CDH18: variants seen among roughly 807,000 people sequenced by gnomAD.
CDH18 encodes the protein cadherin 18.
Under a neutral mutation model 67.9 loss-of-function variants are expected in CDH18, and 31 were observed. That is an observed-to-expected ratio of 0.46 (90% confidence interval 0.34 to 0.62). The LOEUF is 0.62. Ranked by LOEUF, CDH18 falls within the 20% of genes least tolerant of loss-of-function variation. The probability of loss-of-function intolerance (pLI) is 0.01; values close to 1 mark genes in which losing one functional copy is unlikely to be tolerated. For missense variants in CDH18, 890 were observed against 975.5 expected (o/e 0.91, Z 1.17); for synonymous variants, 362 against 347.2 (o/e 1.04, Z -0.48).
At chr5:19,690,629 A>C (rs2150420342) in intron 5 of CDH18, among the ~76,000 whole-genome samples, 1 of 151,910 alleles carries the variant, frequency 6.6e-6, no homozygotes, top group Non-Finnish European at 1.5e-5. Context: ...AAATACAAAA[A>C]AAATCAGAGA....
intron 10 of CDH18, among the ~76,000 whole-genome samples, chr5:19,516,323 G>C (rs1745992700): frequency 6.6e-6 from 1 of 152,108 alleles, no homozygotes; most frequent in South Asian, 2.1e-4. Context: ...TTTTTGTTGT[G>C]TCTCTGCCAG....
chr5:20,562,017 T>C (rs950684530), intron 1 of CDH18, among the ~76,000 whole-genome samples: 1 of 151,808 alleles, frequency 6.6e-6, no homozygotes, highest in Non-Finnish European at 1.5e-5. Flanking sequence ...AAAAAGTGTA[T>C]GCAATAAATT....
intron 2 of CDH18, among the ~76,000 whole-genome samples, chr5:20,140,987 A>G (rs1750198683): frequency 1.3e-5 from 2 of 152,092 alleles, no homozygotes; most frequent in South Asian, 4.1e-4. Flanking sequence ...GCCACAATGC[A>G]TTTGCACTTG....
chr5:20,055,005 T>C (rs564670551), intron 2 of CDH18, among the ~76,000 whole-genome samples: 1 of 152,318 alleles, frequency 6.6e-6, no homozygotes, highest in East Asian at 1.9e-4. Context: ...ACACCTCTGT[T>C]TGAAAACATC....
intron 2 of CDH18, among the ~76,000 whole-genome samples, chr5:19,851,751 A>ATGTGTG (rs140494247): frequency 6.7e-6 from 1 of 149,858 alleles, no homozygotes; most frequent in African/African-American, 2.4e-5. Context: ...GTGTGTGTGT[A>ATGTGTG]TGTGTGTGTG....
chr5:19,887,464 C>T (rs769434001), intron 2 of CDH18, among the ~76,000 whole-genome samples: 24 of 152,058 alleles, frequency 1.6e-4, no homozygotes, highest in African/African-American at 4.8e-4. Flanking sequence ...TAGTGATTTA[C>T]GTTCTATTTA....
At chr5:19,889,887 A>T (rs961855305) in intron 2 of CDH18, among the ~76,000 whole-genome samples, 1 of 152,198 alleles carries the variant, frequency 6.6e-6, no homozygotes, top group African/African-American at 2.4e-5. Context: ...ATTACATGCG[A>T]TATCATATAA....
At chr5:20,043,332 T>G (rs1393646719) in intron 2 of CDH18, among the ~76,000 whole-genome samples, 1 of 152,168 alleles carries the variant, frequency 6.6e-6, no homozygotes, top group African/African-American at 2.4e-5. Flanking sequence ...TGCCATTCCT[T>G]GTGCCACCAT....
chr5:20,499,825 C>G (rs1241969355), intron 1 of CDH18, among the ~76,000 whole-genome samples: 1 of 152,060 alleles, frequency 6.6e-6, no homozygotes, highest in African/African-American at 2.4e-5. Context: ...TCTGACAGGA[C>G]AAATAATTTA....
chr5:19,483,215 G>A (rs1412867293), intron 12 of CDH18, 86 bp downstream of exon 12: 2 of 1,333,872 alleles, frequency 1.5e-6, no homozygotes, highest in Non-Finnish European at 2.1e-6. Flanking sequence ...CCCACATTAT[G>A]GATGCCTAAT....
rs1209471019 is a variant in CDH18 at position 20,476,351 on chromosome 5, A to AG, written c.-580+99110_-580+99111insC. On this transcript the variant is annotated intron_variant, in intron 1 of 14. Transcript: ENST00000507958. The stretch of plus-strand genomic sequence containing the variant: ...GCCATCATGGTCATTACATTTGAAA[A>AG]AAAAAAAGCCTGAAAATAAAATACC... 2.0e-5 allele frequency among the ~76,000 whole-genome samples: 3 copies of AG among 151,920 alleles called. No homozygotes were observed. The East Asian group carries it at 5.8e-4, about 29-fold the overall frequency.
intron 2 of CDH18, among the ~76,000 whole-genome samples, chr5:20,096,922 T>C (rs1490366908): frequency 6.6e-6 from 1 of 152,166 alleles, no homozygotes; most frequent in East Asian, 1.9e-4. Flanking sequence ...ACTTTACATG[T>C]AGGAAGAAAA....
At chr5:20,544,813 T>G (rs931109824) in intron 1 of CDH18, among the ~76,000 whole-genome samples, 3 of 152,212 alleles carry the variant, frequency 2.0e-5, no homozygotes, top group Admixed American at 6.5e-5. Context: ...TTTCACATTT[T>G]GAAGCCAATC....
intron 5 of CDH18, among the ~76,000 whole-genome samples, chr5:19,647,332 C>A (rs1051354263): frequency 2.0e-5 from 3 of 150,098 alleles, no homozygotes; most frequent in Admixed American, 6.7e-5. Context: ...ACCATCCTGG[C>A]CAACATGATG....
chr5:20,400,246 G>A (rs1173364623), intron 1 of CDH18, among the ~76,000 whole-genome samples: 1 of 152,082 alleles, frequency 6.6e-6, no homozygotes, highest in Non-Finnish European at 1.5e-5. Flanking sequence ...TTTGGGAGCT[G>A]AGACGGGTGG....
At chr5:19,502,510 T>C (rs944369499) in intron 11 of CDH18, among the ~76,000 whole-genome samples, 12 of 152,126 alleles carry the variant, frequency 7.9e-5, no homozygotes, top group African/African-American at 2.9e-4. Context: ...CATACTTCTG[T>C]GTATCCTTCT....
intron 1 of CDH18, among the ~76,000 whole-genome samples, chr5:20,336,245 C>T (rs1739721570): frequency 6.6e-6 from 1 of 152,024 alleles, no homozygotes; most frequent in East Asian, 1.9e-4. Flanking sequence ...CCCCTTTTCC[C>T]CCAACAGCAG....
chr5:20,137,233 C>T lies in CDH18; in HGVS notation c.-518+118211G>A, dbSNP rs191664865. ...TTCAGGTACACCAGTCCGATGTAGA[C>T]TTGCTCTTTTCACATAGTCCTATAT... is the stretch of plus-strand genomic sequence containing the variant. On this transcript the variant is annotated intron_variant, in intron 2 of 14. Transcript: ENST00000507958. Among the ~76,000 whole-genome samples, 38 of 152,190 alleles carry T rather than the reference C, an allele frequency of 2.5e-4. No homozygotes were observed. In the East Asian group the frequency reaches 7.2e-3, roughly 29 times the overall value.
intron 1 of CDH18, among the ~76,000 whole-genome samples, chr5:20,356,898 T>G (rs1365596213): frequency 6.7e-6 from 1 of 150,122 alleles, no homozygotes; most frequent in East Asian, 2.0e-4. Context: ...TATACATGCA[T>G]GTATATATAC....
Sources: allele counts gnomAD v4.1 joint callset (sites outside exome capture counted in the v4.1 genomes callset), GRCh38; gene constraint gnomAD v4.1.1; transcripts MANE v1.5; gene names NCBI Gene and HGNC (gene_info 2026-07-23, HGNC 2026-07-21).